GRSF1: variants seen among roughly 807,000 people sequenced by gnomAD.
GRSF1 encodes the protein G-rich sequence factor 1.
A neutral mutation model predicts 51.1 loss-of-function variants in GRSF1; 50 were observed. The observed-to-expected ratio is 0.98, with a 90% CI of 0.78 to 1.24. The LOEUF is 1.24. Ranked by LOEUF, GRSF1 falls within the 50% of genes most tolerant of loss-of-function variation. GRSF1 has a pLI of 0.00. For missense variants in GRSF1, 700 were observed against 639.7 expected (o/e 1.09, Z -1.02); for synonymous variants, 293 against 253.3 (o/e 1.16, Z -1.49).
chr4:70,832,597 G>T, intron 3 of GRSF1, 147 bp from the exon 4 acceptor site: 1 of 581,476 alleles, frequency 1.7e-6, no homozygotes, highest in Admixed American at 3.0e-5. Flanking sequence ...AATAACAAAT[G>T]ACATTTATTG....
upstream of GRSF1, chr4:70,840,093 T>C (rs1371023456): frequency 3.7e-6 from 1 of 267,186 alleles, no homozygotes; most frequent in Non-Finnish European, 6.7e-6. Flanking sequence ...GGGCTGCCCA[T>C]GGTTTGGGCG....
At chr4:70,838,241 C>A (rs1734301140) in intron 1 of GRSF1, among the ~76,000 whole-genome samples, 3 of 101,966 alleles carry the variant, frequency 2.9e-5, no homozygotes, top group Admixed American at 9.8e-5. Flanking sequence ...AAAAAAAAGG[C>A]TTAATGTTTA....
intron 3 of GRSF1, among the ~76,000 whole-genome samples, chr4:70,832,681 C>T (rs1578304706): frequency 6.6e-6 from 1 of 152,260 alleles, no homozygotes; most frequent in East Asian, 1.9e-4. Context: ...GGCACACTGG[C>T]TCACGCCTAT....
intron 2 of GRSF1, among the ~76,000 whole-genome samples, chr4:70,834,838 T>C (rs1734128896): frequency 6.6e-6 from 1 of 152,038 alleles, no homozygotes; most frequent in Non-Finnish European, 1.5e-5. Flanking sequence ...TTAGCCAGGA[T>C]GGTCTCGATC....
chr4:70,835,182 G>A (rs956565740), intron 2 of GRSF1, among the ~76,000 whole-genome samples: 2 of 150,882 alleles, frequency 1.3e-5, no homozygotes, highest in South Asian at 2.1e-4. Context: ...GGTGGCTCAC[G>A]CCTGTAATCC....
rs200027347 is a variant in GRSF1 at position 70,825,438 on chromosome 4, GACAA to G, written c.1258-11_1258-8del. The G allele has an allele frequency of 2.1e-3, 3,356 of 1,603,238 alleles. 51 individuals carry two copies. The African/African-American group carries it at 0.039, about 19-fold the overall frequency. On this transcript the variant is annotated splice_region_variant and splice_polypyrimidine_tract_variant and intron_variant, in intron 7 of 9. Transcript: ENST00000254799. ...GCTTGAGTGGAGCAAAAAACTAAAC[GACAA>G]ACAAAGGCAGTCAAGAGGAACATGA...
At chr4:70,821,907 C>T (rs1241724957) in intron 9 of GRSF1, among the ~76,000 whole-genome samples, 1 of 152,000 alleles carries the variant, frequency 6.6e-6, no homozygotes, top group Non-Finnish European at 1.5e-5. Context: ...AACTCCTGAC[C>T]TCAGGTGATC....
chr4:70,839,090 G>A, intron 1 of GRSF1: 1 of 1,268,044 alleles, frequency 7.9e-7, no homozygotes, highest in Non-Finnish European at 1.0e-6. Context: ...CAACCCTCCG[G>A]CGGGCTCGGG....
intron 2 of GRSF1, among the ~76,000 whole-genome samples, chr4:70,835,732 C>T (rs937763236): frequency 6.6e-6 from 1 of 152,136 alleles, no homozygotes; most frequent in Non-Finnish European, 1.5e-5. Context: ...TGAGCCACTG[C>T]GCCTGGCCCA....
chr4:70,824,186 G>C, intron 9 of GRSF1, 108 bp downstream of exon 9: 1 of 515,456 alleles, frequency 1.9e-6, no homozygotes. Flanking sequence ...GGCCAGGCTG[G>C]CTTGAACTCC....
chr4:70,828,034 T>C lies in GRSF1; in HGVS notation c.953A>G (p.Tyr318Cys), dbSNP rs771152420. 6.2e-7 allele frequency: 1 copy of C among 1,610,898 alleles called. No individual in the cohort carries two copies. The highest frequency in any genetic ancestry group is 8.5e-7 in the Non-Finnish European group (1 of 1,178,352). Reference sequence around the variant, plus strand: ...CCTTCTGCTTGGAAATATCTCGATGTATCTATGTCAAAGCAAAAGTAAACA... The same window carrying C: ...CCTTCTGCTTGGAAATATCTCGATGCATCTATGTCAAAGCAAAAGTAAACA... The part of the protein sequence containing the change: ...LKHREEIGNR[Y>C]IEIFPSRRNE... The change falls in exon 6 of 10, where the codon TAC (tyrosine) becomes TGC (cysteine). Residue 318 changes from tyrosine (Y) to cysteine (C), a missense_variant and splice_region_variant. By Grantham distance (194) the Tyr-to-Cys change is radical. Coordinates refer to ENST00000254799, the MANE Select transcript of GRSF1 (RefSeq NM_002092.4).
At chr4:70,835,772 T>C (rs766748010) in intron 2 of GRSF1, among the ~76,000 whole-genome samples, 2 of 152,266 alleles carry the variant, frequency 1.3e-5, no homozygotes, top group Middle Eastern at 3.4e-3. Flanking sequence ...TAAAATACTT[T>C]TGTTGCATTC....
rs1472742160 is a variant in GRSF1 at position 70,832,351 on chromosome 4, A to C, written c.770T>G (p.Leu257Arg). The C allele has an allele frequency of 1.9e-6, 3 of 1,613,210 alleles. No individual in the cohort carries two copies. Among genetic ancestry groups the C allele is most frequent in the Non-Finnish European group, 2.5e-6 (3 of 1,179,516 alleles). ...GTCTTTCTCATTGCAACTATAAGGA[A>C]GTCCTCTCAAACGAACCACACCATC... The part of the protein sequence containing the change: ...VNDGVVRLRG[L>R]PYSCNEKDIV... The change falls in exon 4 of 10, where the codon CTT becomes CGT. Residue 257 changes from leucine to arginine, a missense_variant. Coordinates refer to ENST00000254799, the MANE Select transcript of GRSF1 (RefSeq NM_002092.4).
intron 2 of GRSF1, among the ~76,000 whole-genome samples, chr4:70,833,825 C>A (rs1451513910): frequency 6.6e-6 from 1 of 152,042 alleles, no homozygotes; most frequent in Non-Finnish European, 1.5e-5. Flanking sequence ...AGCCTTTTTC[C>A]CCTTTTCATA....
At chr4:70,821,661 G>GT (rs1183018536) in intron 9 of GRSF1, among the ~76,000 whole-genome samples, 2 of 131,552 alleles carry the variant, frequency 1.5e-5, no homozygotes. Flanking sequence ...GAATGTCCGT[G>GT]TTTTTTTGTT....
intron 9 of GRSF1, among the ~76,000 whole-genome samples, chr4:70,823,903 C>T (rs75071775): frequency 0.027 from 4,038 of 150,040 alleles, 80 homozygotes; most frequent in Middle Eastern, 0.056. Context: ...ATGGTTTCTA[C>T]CATATTACAA....
At chr4:70,838,964 G>A (rs559573911) in intron 1 of GRSF1, 1 of 385,400 alleles carries the variant, frequency 2.6e-6, no homozygotes, top group African/African-American at 2.1e-5. Context: ...GATGGGGACA[G>A]GCTCCTTCCC....
At chr4:70,835,701 A>C (rs1734179272) in intron 2 of GRSF1, among the ~76,000 whole-genome samples, 2 of 152,084 alleles carry the variant, frequency 1.3e-5, no homozygotes, top group Non-Finnish European at 2.9e-5. Context: ...TCGGCCTCCC[A>C]AAGTGCTGGG....
chr4:70,819,395 A>G lies in GRSF1; in HGVS notation c.*1492T>C, dbSNP rs1733423353. On this transcript the variant is annotated 3_prime_UTR_variant, in exon 10 of 10. Transcript: ENST00000254799. Reference sequence around the variant, plus strand: ...TACTACTGATGATGTTAAGCTGGTTAAGTCATGTTCACAGGATTTTAGAGA... The same window carrying G: ...TACTACTGATGATGTTAAGCTGGTTGAGTCATGTTCACAGGATTTTAGAGA... 2 of 152,200 alleles carry G rather than the reference A, an allele frequency of 1.3e-5. No individual in the cohort carries two copies. The highest frequency in any genetic ancestry group is 2.9e-5 in the Non-Finnish European group (2 of 68,038). 9.4% of individuals were successfully genotyped at this position (152,200 alleles called of 1,614,324 possible).
Sources: gnomAD v4.1 joint callset for allele counts (sites outside exome capture counted in the v4.1 genomes callset) on GRCh38, gnomAD v4.1.1 for gene constraint, MANE v1.5 for transcripts, NCBI Gene and HGNC (gene_info 2026-07-23, HGNC 2026-07-21) for gene names.